Variants in GINS3 observed in about 807,000 individuals in gnomAD.
GINS3 encodes the protein DNA replication complex GINS protein PSF3.
A neutral mutation model predicts 20.0 loss-of-function variants in GINS3; 18 were observed. The observed-to-expected ratio is 0.90, with a 90% confidence interval of 0.62 to 1.33. GINS3 has a LOEUF of 1.33. Among genes scored for constraint, GINS3 ranks in the 40% most tolerant of loss-of-function variants. GINS3 has a pLI of 0.00. For missense variants in GINS3, 254 were observed against 273.6 expected, an observed-to-expected ratio of 0.93 and a Z score of 0.51; for synonymous variants, 109 against 107.0, an observed-to-expected ratio of 1.02 and a Z score of -0.12.
rs1162423728 is a variant in GINS3, at chr16:58,392,547, T to A, written c.-55T>A. 6.3e-7 allele frequency: 1 copy of A among 1,589,716 alleles called. No individual in the cohort carries two copies. Among genetic ancestry groups the A allele is most frequent in the Non-Finnish European group, 8.6e-7 (1 of 1,162,496 alleles). On this transcript the variant is annotated 5_prime_UTR_variant, in exon 1 of 3. Coordinates refer to ENST00000318129, the MANE Select transcript of GINS3 (RefSeq NM_022770.4). ...CTTCCCCGTCTTGTACACCCCTAAC[T>A]CCTGAGGCTCCTCCGAATCACGCGA...
chr16:58,404,391 C>T lies in GINS3; in HGVS notation c.421-108C>T, dbSNP rs79777499. ...AATTCAGACCTCCTTCTGAGTCCTA[C>T]ACATCATTCTTTCTTTTCATGCCAT... is the stretch of plus-strand genomic sequence containing the variant. On this transcript the variant is annotated intron_variant, in intron 2 of 2. Coordinates refer to ENST00000318129, the MANE Select transcript of GINS3 (RefSeq NM_022770.4). 2,690 of 739,560 alleles carry T rather than the reference C, an allele frequency of 3.6e-3. 65 individuals carry two copies. The African/African-American group carries it at 0.04, about 11-fold the overall frequency. The allele number at this position is 739,560 out of a possible 1,614,324, so 45.8% of individuals were successfully genotyped here. A position where few individuals can be genotyped will look rare whatever the true frequency, so the allele number is the denominator to read the frequency against.
chr16:58,403,043 C>A, intron 1 of GINS3, 55 bp from the exon 2 acceptor site: 2 of 1,414,954 alleles, frequency 1.4e-6, no homozygotes, highest in South Asian at 1.2e-5. Flanking sequence ...TTTCGTCACA[C>A]ACATTTGCTG....
chr16:58,404,208 C>A, intron 2 of GINS3: 1 of 351,302 alleles, frequency 2.8e-6, no homozygotes, highest in African/African-American at 2.1e-5. Context: ...ATAGGTGATG[C>A]TTCTCAAGGA....
Position 58,403,319 on chromosome 16 carries a change from G to A in GINS3, c.408G>A (p.Gln136=). The A allele has an allele frequency of 6.2e-7, 1 of 1,613,710 alleles. No individual in the cohort carries two copies. Among genetic ancestry groups the A allele is most frequent in the South Asian group, 1.1e-5 (1 of 91,046 alleles). ...GTCCCGAGAATGCAGACATTTCCCAGTCTCTGCTGCAGGCAAGTAATGGGT... is the reference window on the plus strand; with the variant it reads ...GTCCCGAGAATGCAGACATTTCCCAATCTCTGCTGCAGGCAAGTAATGGGT... ...FDSPENADIS[Q]SLLQTFIGRF... The change falls in exon 2 of 3, where the codon CAG becomes CAA. Residue 136 remains glutamine, a synonymous_variant. Coordinates refer to ENST00000318129, the MANE Select transcript of GINS3 (RefSeq NM_022770.4).
chr16:58,397,210 G>A (rs952817398), intron 1 of GINS3, among the ~76,000 whole-genome samples: 2 of 149,300 alleles, frequency 1.3e-5, no homozygotes, highest in African/African-American at 5.0e-5. Flanking sequence ...CTTCTCAGAC[G>A]GGGCGGCCGG....
intron 1 of GINS3, among the ~76,000 whole-genome samples, chr16:58,402,137 C>A (rs898156727): frequency 5.9e-5 from 9 of 152,156 alleles, no homozygotes; most frequent in Non-Finnish European, 8.8e-5. Context: ...CATTCACAGT[C>A]CTGTCTTCAT....
chr16:58,392,864 C>A, intron 1 of GINS3, 77 bp downstream of exon 1: 2 of 1,387,570 alleles, frequency 1.4e-6, no homozygotes, highest in South Asian at 2.8e-5. Flanking sequence ...GACGCCGCAT[C>A]GGGGCGCGCT....
chr16:58,404,753 T>C lies in GINS3; in HGVS notation c.*24T>C, dbSNP rs1567538070. 6.5e-7 allele frequency: 1 copy of C among 1,545,792 alleles called. No individual in the cohort carries two copies. Among genetic ancestry groups the C allele is most frequent in the South Asian group, 1.1e-5 (1 of 88,330 alleles). On this transcript the variant is annotated 3_prime_UTR_variant, in exon 3 of 3. Coordinates refer to ENST00000318129, the MANE Select transcript of GINS3 (RefSeq NM_022770.4). ...GAAAGCCGGAAGAACACAGAATGGC[T>C]CCTCACAGACGTATCCCTCCGTGTG...
chr16:58,403,084 C>T lies in GINS3; in HGVS notation c.187-14C>T, dbSNP rs1394455602. 6.2e-7 allele frequency: 1 copy of T among 1,603,780 alleles called. No individual in the cohort carries two copies. The highest frequency in any genetic ancestry group is 1.3e-5 in the African/African-American group (1 of 74,714). On this transcript the variant is annotated splice_polypyrimidine_tract_variant and intron_variant, in intron 1 of 2. Coordinates refer to ENST00000318129, the MANE Select transcript of GINS3 (RefSeq NM_022770.4). ...CTTGTCTGTTTTTAAAATCTACATT[C>T]ATGCATGCTGCAGGGTTCCAAGCTT...
chr16:58,393,018 T>A (rs1965804953), intron 1 of GINS3, among the ~76,000 whole-genome samples: 1 of 152,178 alleles, frequency 6.6e-6, no homozygotes, highest in African/African-American at 2.4e-5. Context: ...TTATCCTAGG[T>A]CGCCAGGCAG....
Position 58,403,370 on chromosome 16 carries a change from T to G in GINS3, c.420+39T>G. ...GTGAAAACCTGTGGTGCTGCACTTG[T>G]CTCAAGAGCCAGCCACAGATACTAC... On this transcript the variant is annotated intron_variant, in intron 2 of 2. Transcript: ENST00000318129. 5 of 1,495,378 alleles carry G rather than the reference T, an allele frequency of 3.3e-6. No individual in the cohort carries two copies. In the South Asian group the frequency reaches 4.6e-5, roughly 14 times the overall value. 92.6% of individuals were successfully genotyped at this position (1,495,378 alleles called of 1,614,324 possible).
chr16:58,395,537 C>T (rs2077703525), intron 1 of GINS3, among the ~76,000 whole-genome samples: 1 of 151,754 alleles, frequency 6.6e-6, no homozygotes, highest in African/African-American at 2.4e-5. Context: ...TGACTCTTAA[C>T]GAGCATGCTG....
chr16:58,404,754 C>A lies in GINS3; in HGVS notation c.*25C>A. 1 of 1,535,284 alleles carries A rather than the reference C, an allele frequency of 6.5e-7. No homozygotes were observed. The highest frequency in any genetic ancestry group is 9.0e-7 in the Non-Finnish European group (1 of 1,112,480). ...AAAGCCGGAAGAACACAGAATGGCT[C>A]CTCACAGACGTATCCCTCCGTGTGT... On this transcript the variant is annotated 3_prime_UTR_variant, in exon 3 of 3. Coordinates refer to ENST00000318129, the MANE Select transcript of GINS3 (RefSeq NM_022770.4).
chr16:58,404,487 C>T lies in GINS3; in HGVS notation c.421-12C>T. ...GGTCAACCCTGACTTGTCTTACTCCCTTGTTTCCCAGACTTTTATCGGACG... is the reference window on the plus strand; with the variant it reads ...GGTCAACCCTGACTTGTCTTACTCCTTTGTTTCCCAGACTTTTATCGGACG... On this transcript the variant is annotated splice_polypyrimidine_tract_variant and intron_variant, in intron 2 of 2. Coordinates refer to ENST00000318129, the MANE Select transcript of GINS3 (RefSeq NM_022770.4). 6.2e-7 allele frequency: 1 copy of T among 1,603,094 alleles called. No individual in the cohort carries two copies.
chr16:58,399,258 GC>G (rs1965923042), intron 1 of GINS3, among the ~76,000 whole-genome samples: 1 of 150,136 alleles, frequency 6.7e-6, no homozygotes, highest in African/African-American at 2.5e-5. Context: ...CTGCACTCCA[GC>G]CTGGGTGACA....
Position 58,392,750 on chromosome 16 carries a change from G to C in GINS3, c.149G>C (p.Arg50Pro), listed in dbSNP as rs374002916. ...MPRLGAFFLE[R>P]SAGAETDNAV... ...CGCCTTGGCGCTTTCTTCCTGGAGCGGAGCGCAGGCGCCGAGACTGACAAC... is the reference window on the plus strand; with the variant it reads ...CGCCTTGGCGCTTTCTTCCTGGAGCCGAGCGCAGGCGCCGAGACTGACAAC... The change falls in exon 1 of 3, where the codon CGG becomes CCG. Residue 50 changes from arginine (R) to proline (P), a missense_variant. Coordinates refer to ENST00000318129, the MANE Select transcript of GINS3 (RefSeq NM_022770.4). 207 of 1,613,174 alleles carry C rather than the reference G, an allele frequency of 1.3e-4. No homozygotes were observed. Among genetic ancestry groups the C allele is most frequent in the Non-Finnish European group, 1.6e-4 (184 of 1,179,876 alleles).
At chr16:58,399,761 A>C (rs1286363493) in intron 1 of GINS3, among the ~76,000 whole-genome samples, 1 of 151,978 alleles carries the variant, frequency 6.6e-6, no homozygotes, top group Non-Finnish European at 1.5e-5. Flanking sequence ...TAGTTTATTT[A>C]GTTATATATT....
intron 1 of GINS3, among the ~76,000 whole-genome samples, chr16:58,400,255 T>C (rs1421020467): frequency 6.6e-6 from 1 of 152,246 alleles, no homozygotes; most frequent in Admixed American, 6.5e-5. Flanking sequence ...TGGAGTAAAG[T>C]CTGGAGGAGA....
intron 1 of GINS3, among the ~76,000 whole-genome samples, chr16:58,401,631 AT>A (rs1374238165): frequency 1.3e-5 from 2 of 152,200 alleles, no homozygotes; most frequent in Admixed American, 6.5e-5. Context: ...TGCATTTACA[AT>A]CCTTTAGCTA....
Sources: gnomAD v4.1 joint callset for allele counts (sites outside exome capture counted in the v4.1 genomes callset) on GRCh38, gnomAD v4.1.1 for gene constraint, MANE v1.5 for transcripts, NCBI Gene and HGNC (gene_info 2026-07-23, HGNC 2026-07-21) for gene names.